FTO: variants seen among roughly 807,000 people sequenced by gnomAD.
The protein encoded by FTO is alpha-ketoglutarate-dependent dioxygenase FTO.
Under a neutral mutation model 63.9 loss-of-function variants are expected in FTO, and 47 were observed. The observed-to-expected ratio is 0.74, with a 90% CI of 0.58 to 0.94. The LOEUF (loss-of-function observed/expected upper bound fraction) is 0.94, where lower values mean the gene tolerates loss of function less well. Among genes scored for constraint, FTO ranks in the 40% least tolerant of loss-of-function variants. The pLI is 0.00. For missense variants in FTO, 562 were observed against 618.1 expected, an observed-to-expected ratio of 0.91 and a Z score of 0.96; for synonymous variants, 207 against 224.4, an observed-to-expected ratio of 0.92 and a Z score of 0.69.
intron 1 of FTO, among the ~76,000 whole-genome samples, chr16:53,783,608 A>ATC (rs1319602511): frequency 2.0e-5 from 3 of 146,770 alleles, no homozygotes; most frequent in Non-Finnish European, 3.0e-5. Context: ...ACTCCATAAA[A>ATC]AAAAAAAAAA....
rs1352385600 is a variant in FTO at position 54,114,071 on chromosome 16, T to G, written c.*2156T>G. 1 of 152,256 alleles carries G rather than the reference T, an allele frequency of 6.6e-6. No individual in the cohort carries two copies. The highest frequency in any genetic ancestry group is 1.5e-5 in the Non-Finnish European group (1 of 68,098). 9.4% of individuals were successfully genotyped at this position (152,256 alleles called of 1,614,324 possible). ...CACCCACCTCGGTCTCCCAAAGCGC[T>G]GGGATTACAGGCGTGAGCCACCGCG... On this transcript the variant is annotated 3_prime_UTR_variant, in exon 9 of 9. Coordinates refer to ENST00000471389, the MANE Select transcript of FTO (RefSeq NM_001080432.3).
chr16:53,975,416 T>C (rs9921255), intron 8 of FTO, among the ~76,000 whole-genome samples: 29,864 of 152,048 alleles, frequency 0.2, 3,063 homozygotes, highest in Admixed American at 0.22. Flanking sequence ...TTATTGCTAT[T>C]ACACAGAATT....
chr16:54,020,611 GCT>G (rs2084570657), intron 8 of FTO, among the ~76,000 whole-genome samples: 1 of 152,164 alleles, frequency 6.6e-6, no homozygotes, highest in East Asian at 1.9e-4. Flanking sequence ...TTTCAGAAAG[GCT>G]TTTGGAGTGT....
At chr16:53,861,973 T>A (rs967247421) in intron 4 of FTO, among the ~76,000 whole-genome samples, 48 of 152,102 alleles carry the variant, frequency 3.2e-4, no homozygotes, top group African/African-American at 1.1e-3. Flanking sequence ...CTGTAGAGGC[T>A]GGGTGCAGTG....
intron 8 of FTO, among the ~76,000 whole-genome samples, chr16:53,936,798 AT>A (rs2082400914): frequency 6.6e-6 from 1 of 152,234 alleles, no homozygotes; most frequent in African/African-American, 2.4e-5. Context: ...TATATTGCAC[AT>A]TAGAGAGTGC....
At chr16:54,016,647 A>AG (rs1345202751) in intron 8 of FTO, among the ~76,000 whole-genome samples, 1 of 152,192 alleles carries the variant, frequency 6.6e-6, no homozygotes, top group Non-Finnish European at 1.5e-5. Context: ...CCTTGCCCCG[A>AG]AAGTAAGGCA....
intron 8 of FTO, among the ~76,000 whole-genome samples, chr16:54,096,634 A>G (rs1237266084): frequency 1.3e-5 from 2 of 152,190 alleles, no homozygotes; most frequent in African/African-American, 2.4e-5. Flanking sequence ...ATCAGAGTTT[A>G]AGAGTGAGTG....
intron 8 of FTO, among the ~76,000 whole-genome samples, chr16:53,962,475 A>G (rs2083104478): frequency 6.6e-6 from 1 of 152,176 alleles, no homozygotes; most frequent in Non-Finnish European, 1.5e-5. Context: ...GTTGTACTCC[A>G]TATTTTGATT....
intron 8 of FTO, among the ~76,000 whole-genome samples, chr16:54,093,806 C>A (rs577687411): frequency 5.3e-5 from 8 of 152,288 alleles, no homozygotes; most frequent in Non-Finnish European, 4.4e-5. Flanking sequence ...GCCTTTGCCC[C>A]CATCTCTACC....
intron 1 of FTO, chr16:53,764,060 G>C (rs764793470): frequency 6.6e-6 from 1 of 152,184 alleles, no homozygotes; most frequent in African/African-American, 2.4e-5. Context: ...GGCTCATGAT[G>C]ATTTACTTCG....
chr16:53,967,229 C>T (rs1423216743), intron 8 of FTO, among the ~76,000 whole-genome samples: 1 of 151,970 alleles, frequency 6.6e-6, no homozygotes, highest in Non-Finnish European at 1.5e-5. Context: ...CCTGCTTGTC[C>T]CTTTATTTCT....
intron 1 of FTO, among the ~76,000 whole-genome samples, chr16:53,728,462 A>G (rs1466960590): frequency 6.6e-6 from 1 of 152,068 alleles, no homozygotes. Flanking sequence ...ACAGATATTT[A>G]TAGAGCTCCT....
chr16:53,888,437 AGC>A (rs2081064017), intron 6 of FTO, among the ~76,000 whole-genome samples: 13 of 151,788 alleles, frequency 8.6e-5, no homozygotes, highest in African/African-American at 2.2e-4. Context: ...ATTTATTAGT[AGC>A]TTGGCCAATT....
rs2086973157 is a variant in FTO at position 54,116,130 on chromosome 16, TGA to T, written c.*4219_*4220del. On this transcript the variant is annotated 3_prime_UTR_variant, in exon 9 of 9. Coordinates refer to ENST00000471389, the MANE Select transcript of FTO (RefSeq NM_001080432.3). ...CCACTGAATCCAGGGATGCCAGAAT[TGA>T]GAGTCCATAGGACCCGTTTAACGGA... The T allele has an allele frequency of 6.6e-6, 1 of 152,224 alleles. No individual in the cohort carries two copies. Among genetic ancestry groups the T allele is most frequent in the Non-Finnish European group, 1.5e-5 (1 of 68,038 alleles). 9.4% of individuals were successfully genotyped at this position (152,224 alleles called of 1,614,324 possible). A position where few individuals can be genotyped will look rare whatever the true frequency, so the allele number is the denominator to read the frequency against.
intron 1 of FTO, among the ~76,000 whole-genome samples, chr16:53,713,756 C>A (rs1237032267): frequency 6.6e-6 from 1 of 152,172 alleles, no homozygotes; most frequent in Non-Finnish European, 1.5e-5. Flanking sequence ...AAGATCTACT[C>A]TCTTACCACA....
chr16:53,750,350 G>C (rs2076758582), intron 1 of FTO, among the ~76,000 whole-genome samples: 1 of 151,736 alleles, frequency 6.6e-6, no homozygotes, highest in African/African-American at 2.4e-5. Context: ...CAATTCTCCT[G>C]CCTCAGCCTC....
intron 8 of FTO, among the ~76,000 whole-genome samples, chr16:54,080,843 T>G (rs1475912583): frequency 6.6e-6 from 1 of 152,108 alleles, no homozygotes; most frequent in African/African-American, 2.4e-5. Flanking sequence ...CCTGGAAGAG[T>G]ATACTTTGAC....
intron 7 of FTO, among the ~76,000 whole-genome samples, chr16:53,892,353 C>T (rs1026291017): frequency 6.6e-6 from 1 of 152,026 alleles, no homozygotes; most frequent in Non-Finnish European, 1.5e-5. Context: ...AAGAATTATC[C>T]CTGTTGCTTC....
intron 8 of FTO, chr16:53,937,156 C>T: frequency 2.5e-6 from 1 of 398,366 alleles, no homozygotes; most frequent in Non-Finnish European, 4.4e-6. Flanking sequence ...AGAGGCACAT[C>T]TGAGTGCTGT....
Sources: allele counts gnomAD v4.1 joint callset (sites outside exome capture counted in the v4.1 genomes callset), GRCh38; gene constraint gnomAD v4.1.1; transcripts MANE v1.5; gene names NCBI Gene and HGNC (gene_info 2026-07-23, HGNC 2026-07-21).